The following QTMAN variants were observed in gnomAD, a reference collection of about 807,000 sequenced individuals.
QTMAN encodes tRNA-queuosine alpha-mannosyltransferase.
the QTMAN span, among the ~76,000 whole-genome samples, chr2:144,303,896 C>G: frequency 1.3e-5 from 2 of 152,332 alleles, no homozygotes; most frequent in East Asian, 3.9e-4. Context: ...ACACTAAGTA[C>G]ATGGTGGTTC....
At chr2:144,330,094 G>A in the QTMAN span, among the ~76,000 whole-genome samples, 3 of 152,182 alleles carry the variant, frequency 2.0e-5, no homozygotes, top group African/African-American at 2.4e-5. Context: ...GATTGGGCGT[G>A]CTGGAATTAG....
the QTMAN span, among the ~76,000 whole-genome samples, chr2:144,284,567 C>T: frequency 2.3e-4 from 35 of 152,128 alleles, no homozygotes; most frequent in African/African-American, 8.4e-4. Flanking sequence ...AATTTCTTTT[C>T]TATAACATGT....
chr2:144,330,363 G>A, the QTMAN span, among the ~76,000 whole-genome samples: 82 of 152,266 alleles, frequency 5.4e-4, no homozygotes, highest in African/African-American at 1.9e-3. Context: ...GTAGGTTTGT[G>A]TGAGTACATT....
chr2:144,260,048 C>T, the QTMAN span, among the ~76,000 whole-genome samples: 5,839 of 152,080 alleles, frequency 0.038, 348 homozygotes, highest in African/African-American at 0.13. Context: ...TAACTTTTCA[C>T]AGCAGGAAAT....
chr2:144,095,702 C>T, the QTMAN span, among the ~76,000 whole-genome samples: 1 of 152,066 alleles, frequency 6.6e-6, no homozygotes, highest in Non-Finnish European at 1.5e-5. Flanking sequence ...TATATATTTT[C>T]CTTTTAATTT....
At chr2:144,196,666 TG>T in the QTMAN span, among the ~76,000 whole-genome samples, 3 of 152,238 alleles carry the variant, frequency 2.0e-5, no homozygotes, top group Admixed American at 2.0e-4. Flanking sequence ...TAAAGCATAT[TG>T]CCTTATTCAC....
the QTMAN span, among the ~76,000 whole-genome samples, chr2:144,214,437 A>G: frequency 6.6e-6 from 1 of 152,198 alleles, no homozygotes; most frequent in African/African-American, 2.4e-5. Flanking sequence ...AAGTTTGGCT[A>G]ATAGAAATGA....
At chr2:144,329,144 GA>G in the QTMAN span, among the ~76,000 whole-genome samples, 1 of 152,072 alleles carries the variant, frequency 6.6e-6, no homozygotes, top group Non-Finnish European at 1.5e-5. Flanking sequence ...TCAGGAGGCT[GA>G]GGCAGGAAAC....
chr2:144,310,833 T>C, the QTMAN span, among the ~76,000 whole-genome samples: 3 of 152,362 alleles, frequency 2.0e-5, no homozygotes, highest in South Asian at 2.1e-4. Context: ...TGAAGATTTA[T>C]ATTCCTTTAA....
At chr2:144,257,154 C>A in the QTMAN span, among the ~76,000 whole-genome samples, 1 of 147,608 alleles carries the variant, frequency 6.8e-6, no homozygotes, top group African/African-American at 2.5e-5. Context: ...ACAGCCATAA[C>A]CACAAACCAC....
At chr2:144,107,968 G>A in the QTMAN span, among the ~76,000 whole-genome samples, 6 of 152,252 alleles carry the variant, frequency 3.9e-5, no homozygotes, top group Non-Finnish European at 5.9e-5. Context: ...ATCAATAAAC[G>A]TAATCCAGCA....
chr2:144,117,035 C>G, the QTMAN span, among the ~76,000 whole-genome samples: 425 of 152,260 alleles, frequency 2.8e-3, 1 homozygote, highest in Non-Finnish European at 4.7e-3. Flanking sequence ...AAAAGTGAAG[C>G]CTGGTGAATA....
chr2:143,986,859 G>T, the QTMAN span, among the ~76,000 whole-genome samples: 10 of 152,214 alleles, frequency 6.6e-5, no homozygotes, highest in African/African-American at 2.2e-4. Context: ...TGTAAGTTCA[G>T]ATGGTTAAAG....
the QTMAN span, among the ~76,000 whole-genome samples, chr2:144,075,306 C>T: frequency 6.6e-6 from 1 of 152,222 alleles, no homozygotes; most frequent in African/African-American, 2.4e-5. Flanking sequence ...TCGTAACACG[C>T]ACTCACATGT....
the QTMAN span, among the ~76,000 whole-genome samples, chr2:144,125,643 T>G: frequency 6.6e-6 from 1 of 152,030 alleles, no homozygotes; most frequent in South Asian, 2.1e-4. Context: ...ATGCAAGATA[T>G]CATCATCATT....
the QTMAN span, among the ~76,000 whole-genome samples, chr2:144,275,926 A>G: frequency 6.6e-6 from 1 of 152,184 alleles, no homozygotes; most frequent in Non-Finnish European, 1.5e-5. Flanking sequence ...CTCGCTAACT[A>G]TAACAGGGAT....
At chr2:144,064,815 A>C in the QTMAN span, among the ~76,000 whole-genome samples, 1 of 152,212 alleles carries the variant, frequency 6.6e-6, no homozygotes, top group Non-Finnish European at 1.5e-5. Context: ...ATGTTACCCC[A>C]AGGAAAATGA....
the QTMAN span, among the ~76,000 whole-genome samples, chr2:144,030,093 C>T: frequency 2.2e-4 from 34 of 152,256 alleles, no homozygotes; most frequent in Admixed American, 9.2e-4. Context: ...AAGGAACACA[C>T]GGAAGACAGT....
chr2:144,032,358 C>A, the QTMAN span, among the ~76,000 whole-genome samples: 2 of 152,266 alleles, frequency 1.3e-5, no homozygotes, highest in East Asian at 3.9e-4. Flanking sequence ...AACCCAGCAC[C>A]AAATGTGGAA....
Sources: gnomAD v4.1 joint callset for allele counts (sites outside exome capture counted in the v4.1 genomes callset) on GRCh38, gnomAD v4.1.1 for gene constraint, MANE v1.5 for transcripts, NCBI Gene and HGNC (gene_info 2026-07-23, HGNC 2026-07-21) for gene names.